Variants in TMEM232 observed in about 807,000 individuals in gnomAD.
The protein encoded by TMEM232 is transmembrane protein 232.
Under a neutral mutation model 78.8 loss-of-function variants are expected in TMEM232, and 80 were observed. That is an observed-to-expected ratio of 1.01 (90% CI 0.85 to 1.22). The LOEUF is 1.22. TMEM232 is among the 50% of genes most tolerant of loss of function. The probability of loss-of-function intolerance (pLI) is 0.00; values close to 1 mark genes in which losing one functional copy is unlikely to be tolerated. For synonymous variants in TMEM232, 297 were observed against 254.3 expected, an observed-to-expected ratio of 1.17 and a Z score of -1.60; for missense variants, 881 against 742.2, an observed-to-expected ratio of 1.19 and a Z score of -2.17.
intron 12 of TMEM232, among the ~76,000 whole-genome samples, chr5:110,464,514 A>G (rs933797618): frequency 6.6e-6 from 1 of 152,192 alleles, no homozygotes; most frequent in Non-Finnish European, 1.5e-5. Flanking sequence ...GAAGAATGCC[A>G]TAAATGTAAA....
intron 1 of TMEM232, among the ~76,000 whole-genome samples, chr5:110,682,005 G>C (rs148447856): frequency 2.0e-5 from 3 of 151,908 alleles, no homozygotes; most frequent in African/African-American, 7.3e-5. Context: ...AATAAAATGA[G>C]GCTAAAAATT....
At chr5:110,432,524 G>A (rs1757970193) in intron 12 of TMEM232, among the ~76,000 whole-genome samples, 1 of 151,514 alleles carries the variant, frequency 6.6e-6, no homozygotes, top group South Asian at 2.1e-4. Flanking sequence ...TCCCACAAAA[G>A]CACATGCAAG....
chr5:110,655,213 AAAAC>A (rs1332557889), intron 2 of TMEM232, among the ~76,000 whole-genome samples: 10 of 152,282 alleles, frequency 6.6e-5, no homozygotes, highest in African/African-American at 1.4e-4. Flanking sequence ...TACAAGAAAA[AAAAC>A]AAACAACCCC....
upstream of TMEM232, among the ~76,000 whole-genome samples, chr5:110,730,706 AGCACAG>A (rs1798595905): frequency 6.6e-6 from 1 of 152,202 alleles, no homozygotes; most frequent in Admixed American, 6.5e-5. Flanking sequence ...TCACGAGAAT[AGCACAG>A]GAAAGACTGG....
At chr5:110,603,083 T>A (rs566124888) in intron 10 of TMEM232, among the ~76,000 whole-genome samples, 1 of 151,248 alleles carries the variant, frequency 6.6e-6, no homozygotes, top group Admixed American at 6.6e-5. Flanking sequence ...TAAGTGGGAG[T>A]TGAACAATGG....
chr5:110,667,294 G>A lies in TMEM232; in HGVS notation c.59C>T (p.Pro20Leu). 1 of 1,544,328 alleles carries A rather than the reference G, an allele frequency of 6.5e-7. No individual in the cohort carries two copies. Among genetic ancestry groups the A allele is most frequent in the Non-Finnish European group, 8.8e-7 (1 of 1,142,042 alleles). Residue 20 changes from proline to leucine, a missense_variant, in exon 2 of 14, where the codon CCT becomes CTT. Coordinates refer to ENST00000455884, the MANE Select transcript of TMEM232 (RefSeq NM_001039763.4). ...TAATTTCCAGAGCTCTTCATGATAA[G>A]GGGAAGATATGCCTCCACATGTATT... ...MINTCGGISS[P>L]YHEELWKLNF...
chr5:110,626,049 A>G (rs946009584), intron 6 of TMEM232, among the ~76,000 whole-genome samples: 3 of 151,998 alleles, frequency 2.0e-5, no homozygotes, highest in Non-Finnish European at 4.4e-5. Flanking sequence ...CTGGACAGCT[A>G]TGTGGAGAGG....
At chr5:110,594,835 T>C (rs1779958152) in intron 10 of TMEM232, among the ~76,000 whole-genome samples, 1 of 152,176 alleles carries the variant, frequency 6.6e-6, no homozygotes. Flanking sequence ...AAAGGGTAGC[T>C]ATTGGCGCAG....
At chr5:110,491,785 A>T (rs748946714) in intron 12 of TMEM232, among the ~76,000 whole-genome samples, 7 of 151,982 alleles carry the variant, frequency 4.6e-5, no homozygotes, top group Non-Finnish European at 8.8e-5. Flanking sequence ...GCCCTCTGCA[A>T]AGATTTAAAA....
intron 2 of TMEM232, among the ~76,000 whole-genome samples, chr5:110,661,287 G>T (rs4957910): frequency 0.39 from 59,492 of 151,956 alleles, 16,104 homozygotes; most frequent in African/African-American, 0.77. Context: ...AATGCTACAA[G>T]TAACATGAGA....
intron 1 of TMEM232, among the ~76,000 whole-genome samples, chr5:110,724,849 A>C (rs1277425679): frequency 6.6e-6 from 1 of 151,426 alleles, no homozygotes; most frequent in African/African-American, 2.5e-5. Context: ...TATAATGTTA[A>C]AAATATGGTT....
chr5:110,637,273 C>T (rs192953179), intron 5 of TMEM232, among the ~76,000 whole-genome samples: 47 of 151,682 alleles, frequency 3.1e-4, no homozygotes, highest in Non-Finnish European at 4.4e-4. Flanking sequence ...CTATTTTCTT[C>T]AATCCTCCAT....
At chr5:110,655,733 G>A (rs1313717621) in intron 2 of TMEM232, among the ~76,000 whole-genome samples, 2 of 151,806 alleles carry the variant, frequency 1.3e-5, no homozygotes, top group Non-Finnish European at 2.9e-5. Context: ...GCCATAAAAA[G>A]TGATGAGTTC....
chr5:110,738,288 A>G (rs1441584903), upstream of TMEM232: 3 of 1,265,534 alleles, frequency 2.4e-6, no homozygotes, highest in South Asian at 1.3e-5. Context: ...CAGTTATTCA[A>G]TTAGAGGTCC....
At chr5:110,562,317 A>G (rs1268934966) in intron 11 of TMEM232, among the ~76,000 whole-genome samples, 1 of 152,000 alleles carries the variant, frequency 6.6e-6, no homozygotes, top group South Asian at 2.1e-4. Flanking sequence ...TATTTTCCCA[A>G]CTTGGCAAGT....
At chr5:110,672,013 A>C (rs1020727163) in intron 1 of TMEM232, among the ~76,000 whole-genome samples, 9 of 152,178 alleles carry the variant, frequency 5.9e-5, no homozygotes, top group African/African-American at 2.2e-4. Flanking sequence ...AAATGGATGG[A>C]AAAGAAAAAA....
Position 110,420,700 on chromosome 5 carries a change from T to C in TMEM232, c.1854A>G (p.Glu618=), listed in dbSNP as rs767065021. Reference sequence around the variant, plus strand: ...TCTCTGCTAACTTTTTATCTTTAAGTTCTTGGGCCTTGCATATTGCATCTT... The same window carrying C: ...TCTCTGCTAACTTTTTATCTTTAAGCTCTTGGGCCTTGCATATTGCATCTT... ...EKEDAICKAQ[E]LKDKKLAEKN... Residue 618 remains glutamate (E), a synonymous_variant, in exon 14 of 14, where the codon GAA becomes GAG. Coordinates refer to ENST00000455884, the MANE Select transcript of TMEM232 (RefSeq NM_001039763.4). 233 of 1,527,582 alleles carry C rather than the reference T, an allele frequency of 1.5e-4. No individual in the cohort carries two copies. The highest frequency in any genetic ancestry group is 1.7e-4 in the Non-Finnish European group (189 of 1,144,356). The allele number at this position is 1,527,582 out of a possible 1,614,324, so 94.6% of individuals were successfully genotyped here. A position where few individuals can be genotyped will look rare whatever the true frequency, so the allele number is the denominator to read the frequency against.
intron 12 of TMEM232, among the ~76,000 whole-genome samples, chr5:110,447,652 C>T (rs965707576): frequency 6.6e-6 from 1 of 151,878 alleles, no homozygotes; most frequent in Admixed American, 6.6e-5. Context: ...ACTTGGTATA[C>T]ACAAAAGGAT....
At chr5:110,644,763 T>C (rs1471672262) in intron 2 of TMEM232, among the ~76,000 whole-genome samples, 2 of 151,086 alleles carry the variant, frequency 1.3e-5, no homozygotes, top group African/African-American at 4.9e-5. Flanking sequence ...ATATAAGAAG[T>C]AGAAATAAAT....
Sources: gnomAD v4.1 joint callset for allele counts (sites outside exome capture counted in the v4.1 genomes callset) on GRCh38, gnomAD v4.1.1 for gene constraint, MANE v1.5 for transcripts, NCBI Gene and HGNC (gene_info 2026-07-23, HGNC 2026-07-21) for gene names.